Variants in LAMB3 observed in about 807,000 individuals in gnomAD.
LAMB3 encodes laminin subunit beta 3.
In LAMB3, 104 loss-of-function variants were observed where a neutral mutation model predicts 140.3. The observed-to-expected ratio is 0.74, with a 90% CI of 0.63 to 0.87. LAMB3 has a LOEUF of 0.87. Ranked by LOEUF, LAMB3 falls within the 40% of genes least tolerant of loss-of-function variation. The probability of loss-of-function intolerance (pLI) is 0.00; values close to 1 mark genes in which losing one functional copy is unlikely to be tolerated. For synonymous variants in LAMB3, 592 were observed against 602.9 expected (o/e 0.98, Z 0.26); for missense variants, 1,531 against 1,575.2 (o/e 0.97, Z 0.47).
Position 209,615,104 on chromosome 1 carries a change from C to G in LAMB3, c.*167G>C, listed in dbSNP as rs904952308. 1.4e-6 allele frequency: 1 copy of G among 737,662 alleles called. No individual in the cohort carries two copies. Among genetic ancestry groups the G allele is most frequent in the East Asian group, 2.7e-5 (1 of 36,768 alleles). 45.7% of individuals were successfully genotyped at this position (737,662 alleles called of 1,614,324 possible). ...TGTAACTGTCCCATTGGCTCAGGCT[C>G]AGCTGCAGCTCAGGGTAATCTTACT... On this transcript the variant is annotated 3_prime_UTR_variant, in exon 23 of 23. Transcript: ENST00000356082.
chr1:209,633,763 G>A (rs756089306), intron 6 of LAMB3, among the ~76,000 whole-genome samples: 13 of 152,154 alleles, frequency 8.5e-5, no homozygotes, highest in Non-Finnish European at 1.8e-4. Flanking sequence ...TCTGAGCATC[G>A]GTCCACATGA....
chr1:209,651,888 A>T (rs979002523), intron 1 of LAMB3, among the ~76,000 whole-genome samples: 3 of 151,994 alleles, frequency 2.0e-5, no homozygotes, highest in African/African-American at 7.2e-5. Context: ...CGGGGGGGGA[A>T]ATTGAGGACA....
intron 3 of LAMB3, among the ~76,000 whole-genome samples, chr1:209,641,462 C>T (rs182455687): frequency 1.5e-3 from 227 of 152,364 alleles, no homozygotes; most frequent in Admixed American, 3.7e-3. Flanking sequence ...TGATCCCCAA[C>T]GTTAGCATCA....
chr1:209,647,626 G>C (rs929010796), intron 3 of LAMB3, among the ~76,000 whole-genome samples: 2 of 152,286 alleles, frequency 1.3e-5, no homozygotes, highest in South Asian at 4.1e-4. Flanking sequence ...CTACTAGAGA[G>C]GGGTGATAGG....
chr1:209,646,024 G>C (rs188381566), intron 3 of LAMB3, among the ~76,000 whole-genome samples: 2 of 152,332 alleles, frequency 1.3e-5, no homozygotes, highest in Non-Finnish European at 1.5e-5. Flanking sequence ...AATGACAGCT[G>C]TTTGGCTTAG....
At chr1:209,627,697 C>T in intron 11 of LAMB3, 118 bp from the exon 12 acceptor site, 2 of 966,068 alleles carry the variant, frequency 2.1e-6, no homozygotes, top group South Asian at 1.4e-5. Flanking sequence ...CCCTTCCCTG[C>T]AGATGACATG....
intron 22 of LAMB3, 142 bp downstream of exon 22, chr1:209,616,329 T>C: frequency 1.0e-6 from 1 of 957,142 alleles, no homozygotes; most frequent in Non-Finnish European, 1.7e-6. Context: ...TCATACATGC[T>C]AGATGCCCAG....
At chr1:209,626,382 A>G (rs1666455111) in intron 13 of LAMB3, among the ~76,000 whole-genome samples, 1 of 152,218 alleles carries the variant, frequency 6.6e-6, no homozygotes, top group African/African-American at 2.4e-5. Context: ...CCAAGTCTAA[A>G]GAGGGGAAGC....
intron 10 of LAMB3, among the ~76,000 whole-genome samples, chr1:209,629,084 T>C (rs1383764199): frequency 6.6e-6 from 1 of 152,156 alleles, no homozygotes; most frequent in Non-Finnish European, 1.5e-5. Context: ...CCTTTCAAAA[T>C]GTAAGACCCC....
intron 18 of LAMB3, among the ~76,000 whole-genome samples, chr1:209,621,236 A>C (rs1371169872): frequency 6.6e-6 from 1 of 152,212 alleles, no homozygotes; most frequent in African/African-American, 2.4e-5. Flanking sequence ...GACTTGACTC[A>C]GGGGCAAGAA....
chr1:209,628,008 T>TCATG, intron 11 of LAMB3, 27 bp downstream of exon 11: 1 of 1,582,014 alleles, frequency 6.3e-7, no homozygotes, highest in South Asian at 1.2e-5. Context: ...CCACCCCACG[T>TCATG]CATGCTGGGC....
chr1:209,638,474 CATCCGTCTT>C lies in LAMB3; in HGVS notation c.298+51_298+59del, dbSNP rs149756538. On this transcript the variant is annotated intron_variant, in intron 4 of 22. Coordinates refer to ENST00000356082, the MANE Select transcript of LAMB3 (RefSeq NM_000228.3). ...ACCCAAAGGGTTATAGGGCACCTTC[CATCCGTCTT>C]ATCCTGTGGAGGCTGTACAGTTTGA... 2,188 of 1,115,214 alleles carry C rather than the reference CATCCGTCTT, an allele frequency of 2.0e-3. 25 individuals carry two copies. In the African/African-American group the frequency reaches 0.028, roughly 14 times the overall value. The allele number at this position is 1,115,214 out of a possible 1,614,324, so 69.1% of individuals were successfully genotyped here. A position where few individuals can be genotyped will look rare whatever the true frequency, so the allele number is the denominator to read the frequency against.
chr1:209,619,521 C>T (rs528579670), intron 18 of LAMB3, among the ~76,000 whole-genome samples: 5 of 152,282 alleles, frequency 3.3e-5, no homozygotes, highest in South Asian at 2.1e-4. Flanking sequence ...GTTTCCTGAT[C>T]GGTGAAAAAG....
intron 21 of LAMB3, 114 bp from the exon 22 acceptor site, chr1:209,616,738 T>C (rs1571795550): frequency 2.0e-6 from 2 of 1,005,750 alleles, no homozygotes; most frequent in South Asian, 2.7e-5. Context: ...GTGCCTCCTA[T>C]TAGCCCCCAA....
chr1:209,628,627 C>T (rs915513920), intron 10 of LAMB3, among the ~76,000 whole-genome samples: 16 of 149,658 alleles, frequency 1.1e-4, no homozygotes, highest in East Asian at 3.9e-4. Context: ...ACCTGGGAGG[C>T]GGAGGTTGCA....
At chr1:209,651,770 G>A (rs183491953) in intron 1 of LAMB3, among the ~76,000 whole-genome samples, 100 of 150,366 alleles carry the variant, frequency 6.7e-4, no homozygotes, top group Admixed American at 2.9e-3. Flanking sequence ...CCCCACCCTT[G>A]CTCATGCAGT....
intron 4 of LAMB3, 105 bp downstream of exon 4, chr1:209,638,429 C>T: frequency 1.3e-6 from 1 of 774,378 alleles, no homozygotes; most frequent in Non-Finnish European, 2.3e-6. Context: ...TGTCACACCA[C>T]CATAAGAAAT....
intron 7 of LAMB3, 49 bp from the exon 8 acceptor site, chr1:209,632,825 A>G: frequency 6.3e-7 from 1 of 1,579,792 alleles, no homozygotes; most frequent in Non-Finnish European, 8.7e-7. Context: ...ATGGAAAATA[A>G]AGAAAGGAAG....
chr1:209,635,800 G>C (rs905169005), intron 5 of LAMB3, among the ~76,000 whole-genome samples: 1 of 152,172 alleles, frequency 6.6e-6, no homozygotes, highest in Non-Finnish European at 1.5e-5. Flanking sequence ...TCAGTCCTCT[G>C]CTAAAAATCC....
Sources: gnomAD v4.1 joint callset for allele counts (sites outside exome capture counted in the v4.1 genomes callset) on GRCh38, gnomAD v4.1.1 for gene constraint, MANE v1.5 for transcripts, NCBI Gene and HGNC (gene_info 2026-07-23, HGNC 2026-07-21) for gene names.